TRIM59: variants seen among roughly 807,000 people sequenced by gnomAD.
The protein encoded by TRIM59 is tripartite motif containing 59.
TRIM59 carries 14 observed loss-of-function variants against 32.2 expected under a neutral mutation model. That is an observed-to-expected ratio of 0.43 (90% CI 0.29 to 0.68). The LOEUF (loss-of-function observed/expected upper bound fraction) is 0.68. Ranked by LOEUF, TRIM59 falls within the 30% of genes least tolerant of loss-of-function variation. TRIM59 has a pLI of 0.15. For missense variants in TRIM59, 471 were observed against 463.3 expected (o/e 1.02, Z -0.15); for synonymous variants, 163 against 155.1 (o/e 1.05, Z -0.38).
intron 2 of TRIM59, among the ~76,000 whole-genome samples, chr3:160,446,718 A>C (rs1414013237): frequency 6.6e-6 from 1 of 152,134 alleles, no homozygotes; most frequent in Non-Finnish European, 1.5e-5. Context: ...GGTGGCGGGC[A>C]AGCCCACCTG....
At chr3:160,440,535 C>T (rs1377751974) in intron 2 of TRIM59, among the ~76,000 whole-genome samples, 1 of 152,158 alleles carries the variant, frequency 6.6e-6, no homozygotes, top group Non-Finnish European at 1.5e-5. Flanking sequence ...GCATCAGCCA[C>T]AATTCTAAAG....
At chr3:160,447,500 C>G (rs1719599313) in intron 2 of TRIM59, among the ~76,000 whole-genome samples, 1 of 152,182 alleles carries the variant, frequency 6.6e-6, no homozygotes, top group Non-Finnish European at 1.5e-5. Context: ...AAGTCTTTCT[C>G]CAGAGGGCCA....
At position 160,436,855 on chromosome 3, in the gene TRIM59, T is replaced by TTAAGG; in HGVS notation, c.*1112_*1116dup. 1 of 946,896 alleles carries TTAAGG rather than the reference T, an allele frequency of 1.1e-6. No individual in the cohort carries two copies. The highest frequency in any genetic ancestry group is 1.3e-6 in the Non-Finnish European group (1 of 797,594). 58.7% of individuals were successfully genotyped at this position (946,896 alleles called of 1,614,324 possible). A position where few individuals can be genotyped will look rare whatever the true frequency, so the allele number is the denominator to read the frequency against. Reference sequence around the variant, plus strand: ...AAGTTGTTGGTACTTTTGCATTAGCTTAAGGGAATGTGGTAGAAAATTTAA... The same window carrying TTAAGG: ...AAGTTGTTGGTACTTTTGCATTAGCTTAAGGTAAGGGAATGTGGTAGAAAATTTAA... On this transcript the variant is annotated 3_prime_UTR_variant, in exon 3 of 3. Transcript: ENST00000309784.
At chr3:160,440,959 A>G (rs1375939063) in intron 2 of TRIM59, among the ~76,000 whole-genome samples, 2 of 152,226 alleles carry the variant, frequency 1.3e-5, no homozygotes, top group Non-Finnish European at 2.9e-5. Context: ...AAAGGTTACC[A>G]AATCACATGC....
At position 160,435,977 on chromosome 3, in the gene TRIM59, CGT is replaced by C; in HGVS notation, c.*1993_*1994del. 3.1e-6 allele frequency: 4 copies of C among 1,270,114 alleles called. No homozygotes were observed. The highest frequency in any genetic ancestry group is 2.6e-5 in the South Asian group (2 of 77,444). The allele number at this position is 1,270,114 out of a possible 1,614,324, so 78.7% of individuals were successfully genotyped here. ...ATAATGGCTAACATTTCATTGCTTA[CGT>C]GTTTTTGAAACTACAGGGCACTTTT... On this transcript the variant is annotated 3_prime_UTR_variant, in exon 3 of 3. Coordinates refer to ENST00000309784, the MANE Select transcript of TRIM59 (RefSeq NM_173084.3).
Position 160,438,153 on chromosome 3 carries a change from G to A in TRIM59, c.1031C>T (p.Ser344Leu), listed in dbSNP as rs369929967. ...VVTLISVILM[S>L]ILFFNQHIIT... is the part of the protein sequence containing the mutation. The stretch of plus-strand genomic sequence containing the variant: ...GATGTGTTGGTTGAAAAAGAGTATC[G>A]ACATCAGTATTACTGAAATTAATGT... The change falls in exon 3 of 3, where the codon TCG becomes TTG. Residue 344 changes from serine to leucine, a missense_variant. Transcript: ENST00000309784. 18 of 1,611,216 alleles carry A rather than the reference G, an allele frequency of 1.1e-5. No individual in the cohort carries two copies. The highest frequency in any genetic ancestry group is 5.4e-5 in the African/African-American group (4 of 74,714).
chr3:160,447,961 C>G (rs1474564227), intron 2 of TRIM59: 1 of 151,980 alleles, frequency 6.6e-6, no homozygotes, highest in Non-Finnish European at 1.5e-5. Flanking sequence ...GTCTGAGAAA[C>G]AAGATTTTTA....
rs1421908548 is a variant in TRIM59, at chr3:160,435,935, A to AT, written c.*2036dup. The AT allele has an allele frequency of 1.6e-6, 2 of 1,285,068 alleles. No homozygotes were observed. Among genetic ancestry groups the AT allele is most frequent in the Non-Finnish European group, 2.0e-6 (2 of 986,530 alleles). The allele number at this position is 1,285,068 out of a possible 1,614,324, so 79.6% of individuals were successfully genotyped here. A position where few individuals can be genotyped will look rare whatever the true frequency, so the allele number is the denominator to read the frequency against. On this transcript the variant is annotated 3_prime_UTR_variant, in exon 3 of 3. Coordinates refer to ENST00000309784, the MANE Select transcript of TRIM59 (RefSeq NM_173084.3). ...AAAATATTCACATCACAGAAATGAG[A>AT]TTAAGTAGTTTAACACATAATGGCT... is the stretch of plus-strand genomic sequence containing the variant.
At position 160,437,607 on chromosome 3, in the gene TRIM59, A is replaced by C; in HGVS notation, c.*365T>G. 1.0e-6 allele frequency: 1 copy of C among 989,716 alleles called. No individual in the cohort carries two copies. The highest frequency in any genetic ancestry group is 1.2e-6 in the Non-Finnish European group (1 of 832,744). 61.3% of individuals were successfully genotyped at this position (989,716 alleles called of 1,614,324 possible). A position where few individuals can be genotyped will look rare whatever the true frequency, so the allele number is the denominator to read the frequency against. The stretch of plus-strand genomic sequence containing the variant: ...AAATAAAGGTATATGTTCTTTCAGG[A>C]TTTTGCTATATATATAAAGAACTGT... On this transcript the variant is annotated 3_prime_UTR_variant, in exon 3 of 3. Coordinates refer to ENST00000309784, the MANE Select transcript of TRIM59 (RefSeq NM_173084.3).
rs1464794455 is a variant in TRIM59 at position 160,437,682 on chromosome 3, C to T, written c.*290G>A. 9 of 1,055,460 alleles carry T rather than the reference C, an allele frequency of 8.5e-6. No individual in the cohort carries two copies. Among genetic ancestry groups the T allele is most frequent in the Non-Finnish European group, 9.1e-6 (8 of 876,874 alleles). The allele number at this position is 1,055,460 out of a possible 1,614,324, so 65.4% of individuals were successfully genotyped here. A position where few individuals can be genotyped will look rare whatever the true frequency, so the allele number is the denominator to read the frequency against. ...ATAATGGTAAAAGACAATATTGGTACAAGAATGTTTAAATGTCACAGCAAC... is the reference window on the plus strand; with the variant it reads ...ATAATGGTAAAAGACAATATTGGTATAAGAATGTTTAAATGTCACAGCAAC... On this transcript the variant is annotated 3_prime_UTR_variant, in exon 3 of 3. Coordinates refer to ENST00000309784, the MANE Select transcript of TRIM59 (RefSeq NM_173084.3).
rs931205141 is a variant in TRIM59, at chr3:160,435,713, T to C, written c.*2259A>G. On this transcript the variant is annotated 3_prime_UTR_variant, in exon 3 of 3. Coordinates refer to ENST00000309784, the MANE Select transcript of TRIM59 (RefSeq NM_173084.3). ...TCCTAAAAACTGGCAAGATACAAAA[T>C]GTCAAATCTAAAATGATATATATAC... 1 of 254,288 alleles carries C rather than the reference T, an allele frequency of 3.9e-6. No individual in the cohort carries two copies. The highest frequency in any genetic ancestry group is 5.3e-4 in the Middle Eastern group (1 of 1,880). 15.8% of individuals were successfully genotyped at this position (254,288 alleles called of 1,614,324 possible).
chr3:160,438,700 G>A lies in TRIM59; in HGVS notation c.484C>T (p.His162Tyr). 1.2e-6 allele frequency: 2 copies of A among 1,613,528 alleles called. No homozygotes were observed. Among genetic ancestry groups the A allele is most frequent in the Non-Finnish European group, 1.7e-6 (2 of 1,179,888 alleles). ...LTDTHWTDLT[H>Y]LIEKLKEQKS... ...TGTTCTTTCAGCTTTTCAATAAGATGGGTAAGATCTGTCCAGTGTGTGTCA... is the reference window on the plus strand; with the variant it reads ...TGTTCTTTCAGCTTTTCAATAAGATAGGTAAGATCTGTCCAGTGTGTGTCA... Residue 162 changes from histidine to tyrosine, a missense_variant, in exon 3 of 3, where the codon CAT becomes TAT. His to Tyr is a moderately conservative substitution (Grantham distance 83). Transcript: ENST00000309784.
chr3:160,439,615 C>T (rs1035021758), intron 2 of TRIM59, among the ~76,000 whole-genome samples: 4 of 152,074 alleles, frequency 2.6e-5, no homozygotes, highest in Admixed American at 1.3e-4. Context: ...TGTAGTATCA[C>T]GAGATCTGAT....
rs1161241872 is a variant in TRIM59 at position 160,437,530 on chromosome 3, G to A, written c.*442C>T. 4 of 985,584 alleles carry A rather than the reference G, an allele frequency of 4.1e-6. No homozygotes were observed. Among genetic ancestry groups the A allele is most frequent in the Non-Finnish European group, 1.2e-6 (1 of 830,182 alleles). The allele number at this position is 985,584 out of a possible 1,614,324, so 61.1% of individuals were successfully genotyped here. On this transcript the variant is annotated 3_prime_UTR_variant, in exon 3 of 3. Coordinates refer to ENST00000309784, the MANE Select transcript of TRIM59 (RefSeq NM_173084.3). Reference sequence around the variant, plus strand: ...CTTTAAGACTTTGTTGCTTGATTTTGAAACCTTTCTATCATCCTTATTCAC... The same window carrying A: ...CTTTAAGACTTTGTTGCTTGATTTTAAAACCTTTCTATCATCCTTATTCAC...
chr3:160,443,717 G>A (rs2108518627), intron 2 of TRIM59, among the ~76,000 whole-genome samples: 1 of 152,012 alleles, frequency 6.6e-6, no homozygotes, highest in East Asian at 1.9e-4. Flanking sequence ...TCCTCTCACT[G>A]CAAGCTCCGC....
At position 160,435,546 on chromosome 3, in the gene TRIM59, C is replaced by A; in HGVS notation, c.*2426G>T. ...TTATTAAAATACATATTTTGTTATA[C>A]ATAAAACTTAGAAATATTTCAAGAT... On this transcript the variant is annotated 3_prime_UTR_variant, in exon 3 of 3. Coordinates refer to ENST00000309784, the MANE Select transcript of TRIM59 (RefSeq NM_173084.3). 1 of 168,406 alleles carries A rather than the reference C, an allele frequency of 5.9e-6. No individual in the cohort carries two copies. Among genetic ancestry groups the A allele is most frequent in the Non-Finnish European group, 1.3e-5 (1 of 77,946 alleles). The allele number at this position is 168,406 out of a possible 1,614,324, so 10.4% of individuals were successfully genotyped here. A position where few individuals can be genotyped will look rare whatever the true frequency, so the allele number is the denominator to read the frequency against.
intron 2 of TRIM59, among the ~76,000 whole-genome samples, chr3:160,441,641 C>G (rs1719251511): frequency 6.6e-6 from 1 of 151,324 alleles, no homozygotes; most frequent in African/African-American, 2.4e-5. Flanking sequence ...GTAGTCCCAG[C>G]CACTTGGGAG....
At position 160,439,062 on chromosome 3, in the gene TRIM59, G is replaced by C. The variant is rs200573852; in HGVS notation, c.122C>G (p.Ser41Cys). 1.3e-5 allele frequency: 21 copies of C among 1,571,048 alleles called. No homozygotes were observed. The highest frequency in any genetic ancestry group is 1.8e-5 in the Non-Finnish European group (21 of 1,160,378). ...AGGTCTCCATATATAAAAGTTACCA[G>C]ATGCCTGAAGAATGTTTTCCAAACA... ...RNCLENILQA[S>C]GNFYIWRPLR... The change falls in exon 3 of 3, where the codon TCT (serine) becomes TGT (cysteine). Residue 41 changes from serine to cysteine, a missense_variant. Transcript: ENST00000309784.
chr3:160,438,546 A>C lies in TRIM59; in HGVS notation c.638T>G (p.Leu213Arg). Reference sequence around the variant, plus strand: ...TTGTGGAGTATATTCTTGATTAATTAGATTGCCAACATCACAGAGAGCCGT... The same window carrying C: ...TTGTGGAGTATATTCTTGATTAATTCGATTGCCAACATCACAGAGAGCCGT... ...FLTALCDVGN[L>R]INQEYTPQIE... Residue 213 changes from leucine to arginine, a missense_variant, in exon 3 of 3, where the codon CTA (leucine) becomes CGA (arginine). Physicochemically the swap from Leu to Arg is moderately radical, Grantham distance 102. Coordinates refer to ENST00000309784, the MANE Select transcript of TRIM59 (RefSeq NM_173084.3). The C allele has an allele frequency of 1.9e-6, 3 of 1,611,454 alleles. No homozygotes were observed. The South Asian group carries it at 3.3e-5, about 18-fold the overall frequency.
Sources: allele counts gnomAD v4.1 joint callset (sites outside exome capture counted in the v4.1 genomes callset), GRCh38; gene constraint gnomAD v4.1.1; transcripts MANE v1.5; gene names NCBI Gene and HGNC (gene_info 2026-07-23, HGNC 2026-07-21).